Variants in FLRT2 observed in about 807,000 individuals in gnomAD.
The protein encoded by FLRT2 is fibronectin leucine rich transmembrane protein 2, also known as leucine-rich repeat transmembrane protein FLRT2.
Under a neutral mutation model 40.0 loss-of-function variants are expected in FLRT2, and 15 were observed. The observed-to-expected ratio is 0.38, with a 90% CI of 0.25 to 0.58. The LOEUF (loss-of-function observed/expected upper bound fraction) is 0.58, where lower values mean the gene tolerates loss of function less well. Among genes scored for constraint, FLRT2 ranks in the 20% least tolerant of loss-of-function variants. FLRT2 has a pLI of 0.71. For synonymous variants in FLRT2, 380 were observed against 336.8 expected, an observed-to-expected ratio of 1.13 and a Z score of -1.41; for missense variants, 726 against 840.0, an observed-to-expected ratio of 0.86 and a Z score of 1.68.
rs561279364 is a variant in FLRT2, at chr14:85,565,684, C to T, written c.-377+35150C>T. Among the ~76,000 whole-genome samples, 4 of 152,120 alleles carry T rather than the reference C, an allele frequency of 2.6e-5. No individual in the cohort carries two copies. The South Asian group carries it at 8.3e-4, about 32-fold the overall frequency. Reference sequence around the variant, plus strand: ...CGTTAGCTTTTAAAATAAAAGTTGGCATTTCGAGTTGTCATGCTTGAAAGA... The same window carrying T: ...CGTTAGCTTTTAAAATAAAAGTTGGTATTTCGAGTTGTCATGCTTGAAAGA... On this transcript the variant is annotated intron_variant, in intron 1 of 1. Transcript: ENST00000330753.
intron 1 of FLRT2, among the ~76,000 whole-genome samples, chr14:85,535,346 C>CT (rs1290015082): frequency 7.5e-4 from 48 of 63,802 alleles, no homozygotes; most frequent in African/African-American, 2.0e-3. Flanking sequence ...CAATGAAAAG[C>CT]CCCCCCCCAA....
rs933437685 is a variant in FLRT2, at chr14:85,653,235, A to T, written c.*29738A>T. On this transcript the variant is annotated 3_prime_UTR_variant, in exon 2 of 2. Transcript: ENST00000330753. Reference sequence around the variant, plus strand: ...CATATGTAAATGAAATGTTTTGAGCAAAGTTGTAACCCTGCCCACAAAATA... The same window carrying T: ...CATATGTAAATGAAATGTTTTGAGCTAAGTTGTAACCCTGCCCACAAAATA... The T allele has an allele frequency of 2.0e-5, 3 of 152,182 alleles. No individual in the cohort carries two copies. The highest frequency in any genetic ancestry group is 4.8e-5 in the African/African-American group (2 of 41,466). The allele number at this position is 152,182 out of a possible 1,614,324, so 9.4% of individuals were successfully genotyped here.
chr14:85,625,711 G>A lies in FLRT2; in HGVS notation c.*2214G>A, dbSNP rs1893651403. The A allele has an allele frequency of 6.0e-6, 1 of 166,952 alleles. No homozygotes were observed. The highest frequency in any genetic ancestry group is 1.5e-5 in the Non-Finnish European group (1 of 68,146). The allele number at this position is 166,952 out of a possible 1,614,324, so 10.3% of individuals were successfully genotyped here. A position where few individuals can be genotyped will look rare whatever the true frequency, so the allele number is the denominator to read the frequency against. On this transcript the variant is annotated 3_prime_UTR_variant, in exon 2 of 2. Coordinates refer to ENST00000330753, the MANE Select transcript of FLRT2 (RefSeq NM_013231.6). The stretch of plus-strand genomic sequence containing the variant: ...TCTAAAATCAAGACAATGACATGGG[G>A]GCTTTGTGTACTTAGCTGGATAATT...
intron 1 of FLRT2, among the ~76,000 whole-genome samples, chr14:85,615,282 T>C (rs1248740288): frequency 6.6e-6 from 1 of 152,244 alleles, no homozygotes; most frequent in East Asian, 1.9e-4. Context: ...ACACTGGTTA[T>C]TTGTTCTCAA....
intron 1 of FLRT2, among the ~76,000 whole-genome samples, chr14:85,605,319 G>C (rs1313358420): frequency 6.6e-6 from 1 of 152,110 alleles, no homozygotes; most frequent in Non-Finnish European, 1.5e-5. Context: ...CAACACTTTT[G>C]CTTGAGTTTT....
chr14:85,614,669 A>G (rs1219301524), intron 1 of FLRT2, among the ~76,000 whole-genome samples: 1 of 152,116 alleles, frequency 6.6e-6, no homozygotes, highest in South Asian at 2.1e-4. Flanking sequence ...ATGAAACCAC[A>G]ATCTGCAGGG....
chr14:85,603,752 C>G (rs1892486835), intron 1 of FLRT2, among the ~76,000 whole-genome samples: 1 of 152,138 alleles, frequency 6.6e-6, no homozygotes, highest in South Asian at 2.1e-4. Flanking sequence ...CCTGTAGTCC[C>G]TGCTACTTGG....
chr14:85,533,142 G>A (rs68001052), intron 1 of FLRT2, among the ~76,000 whole-genome samples: 32,668 of 152,104 alleles, frequency 0.21, 3,774 homozygotes, highest in African/African-American at 0.27. Context: ...AGGGACTCCG[G>A]GAGAGAGGGA....
chr14:85,592,122 T>C (rs915025816), intron 1 of FLRT2, among the ~76,000 whole-genome samples: 8 of 149,044 alleles, frequency 5.4e-5, no homozygotes, highest in Non-Finnish European at 1.0e-4. Context: ...TTAAAACAGA[T>C]GTGACAGGAA....
intron 1 of FLRT2, among the ~76,000 whole-genome samples, chr14:85,568,819 A>G (rs1890756142): frequency 6.6e-6 from 1 of 152,142 alleles, no homozygotes; most frequent in Non-Finnish European, 1.5e-5. Flanking sequence ...TAACCTGGAG[A>G]TGCCATTACG....
chr14:85,610,445 C>A (rs1892808211), intron 1 of FLRT2, among the ~76,000 whole-genome samples: 1 of 152,180 alleles, frequency 6.6e-6, no homozygotes, highest in South Asian at 2.1e-4. Context: ...TCTCACCATA[C>A]CTTCCCTGCA....
intron 1 of FLRT2, among the ~76,000 whole-genome samples, chr14:85,572,457 C>A (rs1890936824): frequency 6.6e-6 from 1 of 152,236 alleles, no homozygotes; most frequent in Admixed American, 6.5e-5. Context: ...ACATGGGGAG[C>A]AGGACAGTAT....
At position 85,641,443 on chromosome 14, in the gene FLRT2, C is replaced by T. The variant is rs1033806618; in HGVS notation, c.*17946C>T. 6.6e-6 allele frequency: 1 copy of T among 152,232 alleles called. No homozygotes were observed. Among genetic ancestry groups the T allele is most frequent in the Non-Finnish European group, 1.5e-5 (1 of 68,054 alleles). 9.4% of individuals were successfully genotyped at this position (152,232 alleles called of 1,614,324 possible). ...GTCTTGGGCCCAAGAGGCCATCAGG[C>T]ACGGTGCCCATAATCAGTGTTTTAG... On this transcript the variant is annotated 3_prime_UTR_variant, in exon 2 of 2. Transcript: ENST00000330753.
intron 1 of FLRT2, among the ~76,000 whole-genome samples, chr14:85,578,247 A>G (rs887473546): frequency 6.7e-6 from 1 of 148,474 alleles, no homozygotes. Context: ...TTATGTATAT[A>G]TATAGGCACC....
chr14:85,556,624 CA>C (rs1889978377), intron 1 of FLRT2, among the ~76,000 whole-genome samples: 1 of 152,196 alleles, frequency 6.6e-6, no homozygotes. Context: ...TAACTGTAGA[CA>C]AGTTACTTAT....
chr14:85,560,512 C>G (rs995823134), intron 1 of FLRT2, among the ~76,000 whole-genome samples: 1 of 151,726 alleles, frequency 6.6e-6, no homozygotes, highest in South Asian at 2.1e-4. Flanking sequence ...ACTCGGGAGG[C>G]GGAGGTTGCA....
chr14:85,545,518 A>G (rs1039089657), intron 1 of FLRT2, among the ~76,000 whole-genome samples: 1 of 152,206 alleles, frequency 6.6e-6, no homozygotes, highest in Non-Finnish European at 1.5e-5. Flanking sequence ...CTCACTGTCC[A>G]GTAGGTATAA....
In FLRT2 at chr14:85,652,835, C is replaced by T. The variant is rs1351362978; in HGVS notation, c.*29338C>T. 1 of 152,062 alleles carries T rather than the reference C, an allele frequency of 6.6e-6. No individual in the cohort carries two copies. Among genetic ancestry groups the T allele is most frequent in the African/African-American group, 2.4e-5 (1 of 41,418 alleles). The allele number at this position is 152,062 out of a possible 1,614,324, so 9.4% of individuals were successfully genotyped here. A position where few individuals can be genotyped will look rare whatever the true frequency, so the allele number is the denominator to read the frequency against. On this transcript the variant is annotated 3_prime_UTR_variant, in exon 2 of 2. Transcript: ENST00000330753. ...AAGTTTTTGCTTGGCAAATCTTCCC[C>T]TCTAGGAGATTAAAGTATTTTTTGC... is the stretch of plus-strand genomic sequence containing the variant.
rs781639291 is a variant in FLRT2, at chr14:85,630,285, C to CTTTTTTT, written c.*6804_*6810dup. On this transcript the variant is annotated 3_prime_UTR_variant, in exon 2 of 2. Coordinates refer to ENST00000330753, the MANE Select transcript of FLRT2 (RefSeq NM_013231.6). The stretch of plus-strand genomic sequence containing the variant: ...CATACCAATGGGTGATCATATCTGT[C>CTTTTTTT]TTTTTTTTTTTTTTTTTTTTTTGGT... The CTTTTTTT allele has an allele frequency of 4.9e-4, 46 of 93,450 alleles. No individual in the cohort carries two copies. The highest frequency in any genetic ancestry group is 6.3e-4 in the Non-Finnish European group (32 of 50,464). 5.8% of individuals were successfully genotyped at this position (93,450 alleles called of 1,614,324 possible).
Sources: allele counts gnomAD v4.1 joint callset (sites outside exome capture counted in the v4.1 genomes callset), GRCh38; gene constraint gnomAD v4.1.1; transcripts MANE v1.5; gene names NCBI Gene and HGNC (gene_info 2026-07-23, HGNC 2026-07-21).